The following GIPC1 variants were observed in gnomAD, a reference collection of about 807,000 sequenced individuals.
GIPC1 encodes PDZ domain-containing protein GIPC1.
A neutral mutation model predicts 28.5 loss-of-function variants in GIPC1; 15 were observed. That is an observed-to-expected ratio of 0.53 (90% CI 0.35 to 0.81). GIPC1 has a LOEUF of 0.81. GIPC1 is among the 30% of genes least tolerant of loss of function. The probability of loss-of-function intolerance (pLI) is 0.01; values close to 1 mark genes in which losing one functional copy is unlikely to be tolerated. For synonymous variants in GIPC1, 224 were observed against 206.1 expected, an observed-to-expected ratio of 1.09 and a Z score of -0.74; for missense variants, 439 against 481.9, an observed-to-expected ratio of 0.91 and a Z score of 0.83.
intron 3 of GIPC1, among the ~76,000 whole-genome samples, chr19:14,489,211 C>T (rs975437553): frequency 6.6e-6 from 1 of 152,146 alleles, no homozygotes; most frequent in African/African-American, 2.4e-5. Flanking sequence ...GCATGAGCTA[C>T]CACACCCAGC....
intron 3 of GIPC1, among the ~76,000 whole-genome samples, chr19:14,486,653 G>A (rs2071850031): frequency 6.6e-6 from 1 of 151,830 alleles, no homozygotes; most frequent in African/African-American, 2.4e-5. Context: ...TAAGACTTTT[G>A]GGGTTGTTTT....
At chr19:14,481,316 C>T (rs893534579) in intron 4 of GIPC1, among the ~76,000 whole-genome samples, 3 of 152,038 alleles carry the variant, frequency 2.0e-5, no homozygotes, top group Non-Finnish European at 4.4e-5. Flanking sequence ...ATTATGTTGC[C>T]CAGGCTGGCC....
In GIPC1 at chr19:14,480,733, G is replaced by C; in HGVS notation, c.334C>G (p.Leu112Val). ...LNTHKVDMDK[L>V]LGGQIGLEDF... Reference sequence around the variant, plus strand: ...TCCAGCCCGATCTGGCCCCCCAGGAGCTTGTCCATGTCCACTTTGTGGGTG... The same window carrying C: ...TCCAGCCCGATCTGGCCCCCCAGGACCTTGTCCATGTCCACTTTGTGGGTG... The change falls in exon 5 of 9, where the codon CTC becomes GTC. Residue 112 changes from leucine to valine, a missense_variant. By Grantham distance (32) the Leu-to-Val change is conservative (BLOSUM62 1). Coordinates refer to ENST00000393033, the MANE Select transcript of GIPC1 (RefSeq NM_005716.4). The C allele has an allele frequency of 6.2e-6, 10 of 1,613,952 alleles. No individual in the cohort carries two copies. The highest frequency in any genetic ancestry group is 8.5e-6 in the Non-Finnish European group (10 of 1,179,798).
At chr19:14,491,058 C>T (rs1206445786) in intron 3 of GIPC1, among the ~76,000 whole-genome samples, 1 of 151,902 alleles carries the variant, frequency 6.6e-6, no homozygotes, top group Non-Finnish European at 1.5e-5. Context: ...GCCTGTAATC[C>T]CAACACTTTG....
In GIPC1 at chr19:14,478,895, A is replaced by G. The variant is rs901050808; in HGVS notation, c.769-130T>C. ...CTCAGGACAACCCTGAGAAGGTGGT[A>G]TCGGTGTTCAGCTCATCCCCATTTT... On this transcript the variant is annotated intron_variant, in intron 7 of 8. Transcript: ENST00000393033. This position sits in a 1 kb window ranked among gnomAD's most constrained non-coding sequence, Gnocchi z 5.2. 9.3e-6 allele frequency: 7 copies of G among 754,860 alleles called. No individual in the cohort carries two copies. In the African/African-American group the frequency reaches 1.2e-4, roughly 13 times the overall value. 46.8% of individuals were successfully genotyped at this position (754,860 alleles called of 1,614,324 possible).
At chr19:14,479,919 G>T (rs1055430871) in intron 6 of GIPC1, 1 of 418,220 alleles carries the variant, frequency 2.4e-6, no homozygotes, top group Non-Finnish European at 4.3e-6. Context: ...AAGTGATTTA[G>T]TCCCCCACCC....
rs2071769229 is a variant in GIPC1, at chr19:14,483,154, T to G, written c.-30-148A>C. 9 of 600,400 alleles carry G rather than the reference T, an allele frequency of 1.5e-5. No homozygotes were observed. The South Asian group carries it at 1.9e-4, about 12-fold the overall frequency. 37.2% of individuals were successfully genotyped at this position (600,400 alleles called of 1,614,324 possible). On this transcript the variant is annotated intron_variant, in intron 3 of 8. Transcript: ENST00000393033. ...CATCTCTTGTATAGTGACAGGACACTTATATAAAAGTAATAATAGGGCTGG... is the reference window on the plus strand; with the variant it reads ...CATCTCTTGTATAGTGACAGGACACGTATATAAAAGTAATAATAGGGCTGG...
rs1013871422 is a variant in GIPC1 at position 14,478,157 on chromosome 19, C to T, written c.*259G>A. On this transcript the variant is annotated 3_prime_UTR_variant, in exon 9 of 9. Coordinates refer to ENST00000393033, the MANE Select transcript of GIPC1 (RefSeq NM_005716.4). The surrounding 1 kb of genome is among the most constrained non-coding windows in gnomAD (Gnocchi z 5.2). ...GGCCGCCCAATTTGGCTGATCCCTC[C>T]CCTCCCTGTGCCTGACCCAGCTGAG... 4.5e-6 allele frequency: 2 copies of T among 444,970 alleles called. No homozygotes were observed. The highest frequency in any genetic ancestry group is 3.9e-5 in the African/African-American group (2 of 51,006). 27.6% of individuals were successfully genotyped at this position (444,970 alleles called of 1,614,324 possible).
At position 14,496,080 on chromosome 19, in the gene GIPC1, T is replaced by TGCCC. The variant is rs2072077660; in HGVS notation, c.-219_-218insGGGC. On this transcript the variant is annotated 5_prime_UTR_variant, in exon 1 of 9. Coordinates refer to ENST00000393033, the MANE Select transcript of GIPC1 (RefSeq NM_005716.4). Reference sequence around the variant, plus strand: ...CGCCGCCGCCGCCGCCGCCGCTGCCTCCGCCTCCCCGTGCGCACCCGGCTC... The same window carrying TGCCC: ...CGCCGCCGCCGCCGCCGCCGCTGCCTGCCCCCGCCTCCCCGTGCGCACCCGGCTC... The TGCCC allele has an allele frequency of 4.6e-6, 1 of 217,178 alleles. No individual in the cohort carries two copies. The highest frequency in any genetic ancestry group is 8.4e-5 in the South Asian group (1 of 11,960). 13.5% of individuals were successfully genotyped at this position (217,178 alleles called of 1,614,324 possible).
In GIPC1 at chr19:14,480,425, C is replaced by T. The variant is rs1242310699; in HGVS notation, c.535G>A (p.Glu179Lys). The part of the protein sequence containing the change: ...IHLISVGDMI[E>K]AINGQSLLGC... ...AGCAGGCTCTGCCCGTTAATGGCCT[C>T]GATCATGTCGCCCACGCTGATGAGG... is the stretch of plus-strand genomic sequence containing the variant. Residue 179 changes from glutamate to lysine, a missense_variant, in exon 6 of 9, where the codon GAG (glutamate) becomes AAG (lysine). Glu to Lys is a moderately conservative substitution (Grantham distance 56). Coordinates refer to ENST00000393033, the MANE Select transcript of GIPC1 (RefSeq NM_005716.4). 6.2e-7 allele frequency: 1 copy of T among 1,613,850 alleles called. No homozygotes were observed. Among genetic ancestry groups the T allele is most frequent in the East Asian group, 2.2e-5 (1 of 44,876 alleles).
intron 3 of GIPC1, among the ~76,000 whole-genome samples, chr19:14,486,936 C>G (rs78224363): frequency 6.6e-6 from 1 of 151,284 alleles, no homozygotes; most frequent in Non-Finnish European, 1.5e-5. Flanking sequence ...GCGCCCGGCC[C>G]GCTTCTTTAT....
intron 3 of GIPC1, among the ~76,000 whole-genome samples, chr19:14,486,345 C>T (rs71334705): frequency 0.16 from 23,592 of 152,192 alleles, 1,943 homozygotes; most frequent in South Asian, 0.21. Context: ...TGACTCTCCC[C>T]CTTTGGACCA....
intron 1 of GIPC1, among the ~76,000 whole-genome samples, chr19:14,495,339 C>A (rs370540947): frequency 5.3e-5 from 8 of 151,812 alleles, no homozygotes; most frequent in African/African-American, 1.9e-4. Flanking sequence ...GGGTAGGGGG[C>A]CGGAGCTACT....
At chr19:14,495,091 G>A (rs2072047623) in intron 1 of GIPC1, among the ~76,000 whole-genome samples, 2 of 152,010 alleles carry the variant, frequency 1.3e-5, no homozygotes, top group African/African-American at 4.8e-5. Flanking sequence ...GTGTTTCCGG[G>A]GAGAACGCCT....
chr19:14,482,746 G>A lies in GIPC1; in HGVS notation c.231C>T (p.Thr77=), dbSNP rs1276222768. The change falls in exon 4 of 9, where the codon ACC becomes ACT. Residue 77 remains threonine, a synonymous_variant. Coordinates refer to ENST00000393033, the MANE Select transcript of GIPC1 (RefSeq NM_005716.4). ...GSPTGRIEGF[T]NVKELYGKIA... ...TCTTGCCATACAGCTCCTTGACGTT[G>A]GTGAAGCCCTCGATGCGGCCAGTGG... 3.1e-6 allele frequency: 5 copies of A among 1,611,498 alleles called. No homozygotes were observed. In the South Asian group the frequency reaches 5.5e-5, roughly 18 times the overall value.
chr19:14,479,435 C>A lies in GIPC1; in HGVS notation c.745G>T (p.Gly249Cys). The change falls in exon 7 of 9, where the codon GGC (glycine) becomes TGC (cysteine). Residue 249 changes from glycine to cysteine, a missense_variant. Physicochemically the swap from Gly to Cys is radical, Grantham distance 159 (BLOSUM62 -3). Transcript: ENST00000393033. ...GRGTLRLRSR[G>C]PATVEDLPSA... is the part of the protein sequence containing the mutation. Reference sequence around the variant, plus strand: ...ACCAGATCCTCCACCGTGGCGGGGCCCCGGGATCGGAGCCGCAGGGTCCCT... The same window carrying A: ...ACCAGATCCTCCACCGTGGCGGGGCACCGGGATCGGAGCCGCAGGGTCCCT... The A allele has an allele frequency of 7.0e-7, 1 of 1,420,116 alleles. No individual in the cohort carries two copies. The highest frequency in any genetic ancestry group is 1.5e-5 in the South Asian group (1 of 65,338). The allele number at this position is 1,420,116 out of a possible 1,614,324, so 88.0% of individuals were successfully genotyped here. A position where few individuals can be genotyped will look rare whatever the true frequency, so the allele number is the denominator to read the frequency against.
At chr19:14,486,713 T>TTTC (rs545293610) in intron 3 of GIPC1, among the ~76,000 whole-genome samples, 7 of 33,192 alleles carry the variant, frequency 2.1e-4, no homozygotes, top group African/African-American at 5.4e-4. Context: ...TCTTTCTTTC[T>TTTC]TTTTTTTTTT....
Position 14,480,619 on chromosome 19 carries a change from T to G in GIPC1, c.448A>C (p.Asn150His). ...EDALGLTITD[N>H]GAGYAFIKRI... is the part of the protein sequence containing the mutation. ...TTGATGAAGGCGTAGCCAGCCCCGT[T>G]GTCCGTGATGGTGAGCCCGAGTGCA... Residue 150 changes from asparagine (N) to histidine (H), a missense_variant, in exon 5 of 9, where the codon AAC becomes CAC. Coordinates refer to ENST00000393033, the MANE Select transcript of GIPC1 (RefSeq NM_005716.4). 1 of 1,614,178 alleles carries G rather than the reference T, an allele frequency of 6.2e-7. No individual in the cohort carries two copies. Among genetic ancestry groups the G allele is most frequent in the Non-Finnish European group, 8.5e-7 (1 of 1,180,024 alleles).
At position 14,494,929 on chromosome 19, in the gene GIPC1, CCAG is replaced by C. The variant is rs1353506118; in HGVS notation, c.-175+1105_-175+1107del. 3.3e-5 allele frequency among the ~76,000 whole-genome samples: 5 copies of C among 152,106 alleles called. No individual in the cohort carries two copies. In the South Asian group the frequency reaches 1.0e-3, roughly 32 times the overall value. On this transcript the variant is annotated intron_variant, in intron 1 of 8. Transcript: ENST00000393033. ...CCACGGCCACACAGAAGCAGTGTGG[CCAG>C]CAGGAGGAGGGGAAGGGGGTTCCTG... is the stretch of plus-strand genomic sequence containing the variant.
Sources: allele counts gnomAD v4.1 joint callset (sites outside exome capture counted in the v4.1 genomes callset), GRCh38; gene constraint gnomAD v4.1.1; non-coding constraint Gnocchi (gnomAD v3.1); transcripts MANE v1.5; gene names NCBI Gene and HGNC (gene_info 2026-07-23, HGNC 2026-07-21).